The following OPCML variants were observed in gnomAD, a reference collection of about 807,000 sequenced individuals.
OPCML encodes opioid-binding protein/cell adhesion molecule.
Under a neutral mutation model 37.8 loss-of-function variants are expected in OPCML, and 13 were observed. That is an observed-to-expected ratio of 0.34 (90% confidence interval 0.22 to 0.55). The LOEUF is 0.55. Ranked by LOEUF, OPCML falls within the 20% of genes least tolerant of loss-of-function variation. The pLI, the probability that OPCML is intolerant of heterozygous loss-of-function variation, is 0.91. For missense variants in OPCML, 341 were observed against 435.6 expected (o/e 0.78, Z 1.93); for synonymous variants, 176 against 168.8 (o/e 1.04, Z -0.33).
intron 1 of OPCML, among the ~76,000 whole-genome samples, chr11:133,330,234 G>A (rs1943584819): frequency 6.6e-6 from 1 of 152,164 alleles, no homozygotes; most frequent in African/African-American, 2.4e-5. Context: ...TTACACTGTT[G>A]GTGGGACTGT....
At chr11:133,485,409 C>A (rs1054382574) in intron 1 of OPCML, among the ~76,000 whole-genome samples, 1 of 152,070 alleles carries the variant, frequency 6.6e-6, no homozygotes, top group Non-Finnish European at 1.5e-5. Context: ...GGAAGTCACC[C>A]ATGATGAACT....
intron 1 of OPCML, among the ~76,000 whole-genome samples, chr11:133,327,191 G>A (rs1943493950): frequency 6.6e-6 from 1 of 150,640 alleles, no homozygotes; most frequent in African/African-American, 2.4e-5. Flanking sequence ...TGTGGGTGGG[G>A]TGTGTGTATG....
chr11:133,221,369 A>G (rs1447230835), intron 1 of OPCML, among the ~76,000 whole-genome samples: 1 of 152,210 alleles, frequency 6.6e-6, no homozygotes, highest in African/African-American at 2.4e-5. Flanking sequence ...TCACCTTCAC[A>G]TAACAACTGC....
At chr11:132,719,098 G>A (rs1944589422) in intron 2 of OPCML, among the ~76,000 whole-genome samples, 1 of 152,222 alleles carries the variant, frequency 6.6e-6, no homozygotes, top group Non-Finnish European at 1.5e-5. Flanking sequence ...GAGGGCCCAG[G>A]AAGCAGGGTG....
intron 2 of OPCML, among the ~76,000 whole-genome samples, chr11:132,855,257 G>T (rs891923247): frequency 1.3e-4 from 20 of 152,092 alleles, no homozygotes; most frequent in African/African-American, 4.8e-4. Context: ...TGACCCAGAG[G>T]TGGACTCAAT....
intron 1 of OPCML, among the ~76,000 whole-genome samples, chr11:133,343,515 G>C (rs1165485113): frequency 1.3e-5 from 2 of 152,130 alleles, no homozygotes; most frequent in Non-Finnish European, 2.9e-5. Context: ...CACACAATTT[G>C]ACTCTCAGAG....
At chr11:132,615,869 A>G (rs1938973835) in intron 3 of OPCML, among the ~76,000 whole-genome samples, 1 of 152,222 alleles carries the variant, frequency 6.6e-6, no homozygotes, top group Non-Finnish European at 1.5e-5. Flanking sequence ...TTTAGGAACA[A>G]ACAGAAGGTG....
chr11:132,628,664 C>A (rs573977288), intron 3 of OPCML, among the ~76,000 whole-genome samples: 92 of 152,266 alleles, frequency 6.0e-4, no homozygotes, highest in African/African-American at 1.9e-3. Context: ...TACACCCTTA[C>A]ACCACCTGTG....
At chr11:133,434,137 T>A (rs1423358018) in intron 1 of OPCML, among the ~76,000 whole-genome samples, 1 of 152,204 alleles carries the variant, frequency 6.6e-6, no homozygotes, top group African/African-American at 2.4e-5. Context: ...TATTTTTACA[T>A]TGAGGAGAAA....
intron 1 of OPCML, among the ~76,000 whole-genome samples, chr11:133,228,601 C>G (rs1272241532): frequency 6.6e-6 from 1 of 152,238 alleles, no homozygotes; most frequent in Admixed American, 6.5e-5. Flanking sequence ...TGCCGGGCCT[C>G]CCCGTCCTAG....
intron 1 of OPCML, among the ~76,000 whole-genome samples, chr11:133,313,651 G>A (rs1943118566): frequency 6.6e-6 from 1 of 152,110 alleles, no homozygotes; most frequent in Admixed American, 6.5e-5. Flanking sequence ...CTTTGGATAT[G>A]AGAGAAGAGG....
At chr11:133,105,652 G>A (rs1949145287) in intron 1 of OPCML, among the ~76,000 whole-genome samples, 2 of 152,178 alleles carry the variant, frequency 1.3e-5, no homozygotes, top group African/African-American at 4.8e-5. Flanking sequence ...GGATTTAGAG[G>A]TTTTTAGCCA....
At chr11:133,255,519 A>G (rs1941283033) in intron 1 of OPCML, among the ~76,000 whole-genome samples, 1 of 152,260 alleles carries the variant, frequency 6.6e-6, no homozygotes, top group Non-Finnish European at 1.5e-5. Flanking sequence ...TAAACAATTT[A>G]TAACAAAGCC....
At chr11:133,266,431 CT>C (rs1490814604) in intron 1 of OPCML, among the ~76,000 whole-genome samples, 2 of 152,170 alleles carry the variant, frequency 1.3e-5, no homozygotes, top group Non-Finnish European at 2.9e-5. Context: ...GGATCTCCCC[CT>C]GGTCTCTAAG....
intron 2 of OPCML, among the ~76,000 whole-genome samples, chr11:132,751,239 T>G (rs1945821860): frequency 6.6e-6 from 1 of 152,150 alleles, no homozygotes; most frequent in South Asian, 2.1e-4. Flanking sequence ...CTGGCTGTAT[T>G]TTTGGTTTAC....
chr11:132,776,634 A>G (rs1946820149), intron 2 of OPCML, among the ~76,000 whole-genome samples: 1 of 151,942 alleles, frequency 6.6e-6, no homozygotes, highest in Non-Finnish European at 1.5e-5. Flanking sequence ...GCTTTCCACC[A>G]TGAGTGGAAG....
chr11:133,516,166 G>A (rs1280111739), intron 1 of OPCML, among the ~76,000 whole-genome samples: 1 of 152,188 alleles, frequency 6.6e-6, no homozygotes. Context: ...CTGGCAGCTG[G>A]TGGGTGGAGG....
At chr11:133,443,688 G>A (rs922790232) in intron 1 of OPCML, among the ~76,000 whole-genome samples, 2 of 152,166 alleles carry the variant, frequency 1.3e-5, no homozygotes, top group South Asian at 4.1e-4. Context: ...TATGTTAAGC[G>A]TTGTGTGTGC....
chr11:132,807,667 C>A (rs1939094713), intron 2 of OPCML, among the ~76,000 whole-genome samples: 1 of 152,122 alleles, frequency 6.6e-6, no homozygotes, highest in Non-Finnish European at 1.5e-5. Flanking sequence ...GCCAGACATG[C>A]CTGAAGGGAA....
Sources: allele counts gnomAD v4.1 joint callset (sites outside exome capture counted in the v4.1 genomes callset), GRCh38; gene constraint gnomAD v4.1.1; transcripts MANE v1.5; gene names NCBI Gene and HGNC (gene_info 2026-07-23, HGNC 2026-07-21).